SDK1: variants seen among roughly 807,000 people sequenced by gnomAD.
The protein encoded by SDK1 is protein sidekick-1.
SDK1 carries 157 observed loss-of-function variants against 245.5 expected under a neutral mutation model. The observed-to-expected ratio is 0.64, with a 90% CI of 0.56 to 0.73. The LOEUF is 0.73. SDK1 is among the 30% of genes least tolerant of loss of function. The pLI, the probability that SDK1 is intolerant of heterozygous loss-of-function variation, is 0.00. For missense variants in SDK1, 3,583 were observed against 3,002.3 expected (o/e 1.19, Z -4.52); for synonymous variants, 1,647 against 1,278.5 (o/e 1.29, Z -6.15).
At chr7:3,817,810 T>G (rs1779546907) in intron 4 of SDK1, among the ~76,000 whole-genome samples, 1 of 152,190 alleles carries the variant, frequency 6.6e-6, no homozygotes, top group Admixed American at 6.5e-5. Context: ...TGATTTTGCC[T>G]AGCACCTCAG....
chr7:3,774,388 G>C (rs10269303), intron 4 of SDK1, among the ~76,000 whole-genome samples: 4 of 152,188 alleles, frequency 2.6e-5, no homozygotes, highest in African/African-American at 9.7e-5. Flanking sequence ...GATGTCTTGT[G>C]TTTGGAGGAC....
chr7:3,592,112 C>T (rs1780895399), intron 1 of SDK1, among the ~76,000 whole-genome samples: 1 of 152,180 alleles, frequency 6.6e-6, no homozygotes, highest in Admixed American at 6.5e-5. Flanking sequence ...AGTATTTCAA[C>T]CTGATTACTG....
intron 1 of SDK1, among the ~76,000 whole-genome samples, chr7:3,321,730 T>C (rs1283648371): frequency 1.8e-3 from 68 of 36,834 alleles, no homozygotes; most frequent in Non-Finnish European, 2.3e-3. Context: ...CCCCTCTCCC[T>C]CCCATCCCCT....
intron 1 of SDK1, among the ~76,000 whole-genome samples, chr7:3,332,615 C>T (rs961292123): frequency 7.9e-5 from 12 of 152,014 alleles, no homozygotes; most frequent in Non-Finnish European, 1.3e-4. Flanking sequence ...TTTAGAATTA[C>T]TCTGTTTCTA....
intron 17 of SDK1, among the ~76,000 whole-genome samples, chr7:4,027,240 T>C (rs965499312): frequency 6.6e-6 from 1 of 152,180 alleles, no homozygotes; most frequent in African/African-American, 2.4e-5. Context: ...GAAATTTCAC[T>C]GTGTAGAGAA....
At chr7:4,191,800 C>A (rs930945333) in intron 35 of SDK1, among the ~76,000 whole-genome samples, 1 of 152,246 alleles carries the variant, frequency 6.6e-6, no homozygotes, top group Non-Finnish European at 1.5e-5. Context: ...GCTGGGCTAT[C>A]CCCACAGAGG....
chr7:4,038,913 T>TGA (rs1409727845), intron 17 of SDK1, among the ~76,000 whole-genome samples: 2 of 152,158 alleles, frequency 1.3e-5, no homozygotes, highest in African/African-American at 4.8e-5. Flanking sequence ...AATACGACAT[T>TGA]GAGACAGAAG....
At chr7:3,495,562 A>T (rs1168323953) in intron 1 of SDK1, among the ~76,000 whole-genome samples, 1 of 152,184 alleles carries the variant, frequency 6.6e-6, no homozygotes, top group Non-Finnish European at 1.5e-5. Context: ...CTGGGCTGGA[A>T]AACTTGGCTC....
intron 22 of SDK1, among the ~76,000 whole-genome samples, chr7:4,101,813 C>A (rs1168367655): frequency 6.6e-6 from 1 of 152,004 alleles, no homozygotes; most frequent in Admixed American, 6.6e-5. Flanking sequence ...ACAGGAAGGG[C>A]CCTAGGAAGG....
Position 3,685,982 on chromosome 7 carries a change from A to G in SDK1, c.713+43877A>G, listed in dbSNP as rs569591391. Among the ~76,000 whole-genome samples the G allele has an allele frequency of 5.9e-4, 90 of 152,314 alleles. 1 individual carries two copies. Among genetic ancestry groups the G allele is most frequent in the Middle Eastern group, 6.8e-3 (2 of 294 alleles). ...ATAGAATGAATGAAAAAAATGACCT[A>G]ATAATATACTGTCTACAAGAAGCTC... On this transcript the variant is annotated intron_variant, in intron 4 of 44. Transcript: ENST00000404826.
chr7:3,658,269 C>G (rs1741358013), intron 4 of SDK1, among the ~76,000 whole-genome samples: 1 of 152,136 alleles, frequency 6.6e-6, no homozygotes, highest in Non-Finnish European at 1.5e-5. Flanking sequence ...GAGATCTGAC[C>G]AAGCCTGGTT....
chr7:3,368,302 C>A (rs756875607), intron 1 of SDK1, among the ~76,000 whole-genome samples: 1 of 152,188 alleles, frequency 6.6e-6, no homozygotes, highest in Non-Finnish European at 1.5e-5. Flanking sequence ...TGGGTTCCTG[C>A]TATTGACATC....
At chr7:4,044,689 C>G (rs1367515192) in intron 17 of SDK1, among the ~76,000 whole-genome samples, 1 of 152,118 alleles carries the variant, frequency 6.6e-6, no homozygotes, top group East Asian at 1.9e-4. Context: ...AAGCGATCCT[C>G]CCACCCCAGA....
rs149536084 is a variant in SDK1, at chr7:4,177,408, C to A, written c.4997-1077C>A. ...ATTATTCTCACCCTGTCACTTAGTG[C>A]GGAGCTGGTGCTTGGCCCCCTGCCC... On this transcript the variant is annotated intron_variant, in intron 34 of 44. Coordinates refer to ENST00000404826, the MANE Select transcript of SDK1 (RefSeq NM_152744.4). Among the ~76,000 whole-genome samples the A allele has an allele frequency of 3.9e-5, 6 of 152,204 alleles. No individual in the cohort carries two copies. In the South Asian group the frequency reaches 1.2e-3, roughly 32 times the overall value.
chr7:3,343,743 C>T (rs73048622), intron 1 of SDK1, among the ~76,000 whole-genome samples: 4,093 of 151,992 alleles, frequency 0.027, 75 homozygotes, highest in Middle Eastern at 0.041. Flanking sequence ...AATGGACTGA[C>T]TTCTATTAGA....
chr7:3,453,626 C>G (rs533782457), intron 1 of SDK1, among the ~76,000 whole-genome samples: 25 of 152,330 alleles, frequency 1.6e-4, no homozygotes, highest in African/African-American at 5.8e-4. Context: ...AGGCAAGGAG[C>G]AGATTTCCCC....
intron 44 of SDK1, among the ~76,000 whole-genome samples, chr7:4,256,606 C>G (rs569284700): frequency 1.3e-5 from 2 of 152,330 alleles, no homozygotes; most frequent in South Asian, 4.1e-4. Context: ...CTACTGGAGA[C>G]AGCTTGTAGA....
chr7:3,571,158 A>G (rs1780102163), intron 1 of SDK1, among the ~76,000 whole-genome samples: 1 of 152,092 alleles, frequency 6.6e-6, no homozygotes, highest in Non-Finnish European at 1.5e-5. Flanking sequence ...ACTGAAGTTG[A>G]TAATTTACTT....
chr7:3,624,937 C>G (rs953855799), intron 2 of SDK1, among the ~76,000 whole-genome samples: 1 of 152,042 alleles, frequency 6.6e-6, no homozygotes, highest in African/African-American at 2.4e-5. Context: ...CCCAGCTACT[C>G]GGGAGGCAGG....
Sources: gnomAD v4.1 joint callset for allele counts (sites outside exome capture counted in the v4.1 genomes callset) on GRCh38, gnomAD v4.1.1 for gene constraint, MANE v1.5 for transcripts, NCBI Gene and HGNC (gene_info 2026-07-23, HGNC 2026-07-21) for gene names.